Variants in CTNND2 observed in about 807,000 individuals in gnomAD.
CTNND2 encodes the protein catenin delta 2.
CTNND2 carries 22 observed loss-of-function variants against 144.4 expected under a neutral mutation model. The observed-to-expected ratio is 0.15, with a 90% CI of 0.11 to 0.22. CTNND2 has a LOEUF of 0.22. Among genes scored for constraint, CTNND2 ranks in the 10% least tolerant of loss-of-function variants. The probability of loss-of-function intolerance (pLI) is 1.00; values close to 1 mark genes in which losing one functional copy is unlikely to be tolerated. For synonymous variants in CTNND2, 751 were observed against 695.6 expected, an observed-to-expected ratio of 1.08 and a Z score of -1.25; for missense variants, 1,353 against 1,618.8, an observed-to-expected ratio of 0.84 and a Z score of 2.82.
Position 11,430,248 on chromosome 5 carries a change from CAA to C in CTNND2, c.288-18181_288-18180del, listed in dbSNP as rs1307787997. On this transcript the variant is annotated intron_variant, in intron 3 of 21. Coordinates refer to ENST00000304623, the MANE Select transcript of CTNND2 (RefSeq NM_001332.4). ...TGGGCAACAGGGTTAGACTCCGTCT[CAA>C]AAAAAAAAAAAAAAAAAAAAGGAGT... Among the ~76,000 whole-genome samples, 246 of 38,450 alleles carry C rather than the reference CAA, an allele frequency of 6.4e-3. 1 individual carries two copies. Among genetic ancestry groups the C allele is most frequent in the South Asian group, 0.017 (18 of 1,044 alleles). The allele number at this position is 38,450 out of a possible 152,430, so 25.2% of individuals were successfully genotyped here.
chr5:11,767,625 A>G (rs1789672286), intron 1 of CTNND2, among the ~76,000 whole-genome samples: 2 of 152,258 alleles, frequency 1.3e-5, no homozygotes, highest in South Asian at 2.1e-4. Flanking sequence ...CTCCTTCATC[A>G]TATTGAAAAT....
chr5:11,226,124 G>A (rs535109127), intron 10 of CTNND2, among the ~76,000 whole-genome samples: 71 of 152,318 alleles, frequency 4.7e-4, no homozygotes, highest in Admixed American at 9.8e-4. Flanking sequence ...CCAGCATCGT[G>A]AGAGAACAGA....
chr5:11,126,905 G>A (rs1754735128), intron 12 of CTNND2, among the ~76,000 whole-genome samples: 1 of 152,228 alleles, frequency 6.6e-6, no homozygotes, highest in South Asian at 2.1e-4. Context: ...CAAAAAAGCA[G>A]CTCATGCAAT....
rs187143243 is a variant in CTNND2 at position 11,261,256 on chromosome 5, C to T, written c.1629-24433G>A. Among the ~76,000 whole-genome samples the T allele has an allele frequency of 7.9e-5, 12 of 152,316 alleles. No individual in the cohort carries two copies. In the East Asian group the frequency reaches 2.3e-3, roughly 29 times the overall value. On this transcript the variant is annotated intron_variant, in intron 9 of 21. Coordinates refer to ENST00000304623, the MANE Select transcript of CTNND2 (RefSeq NM_001332.4). ...TATTGGGCTGGCCGTTTGTCCCAGC[C>T]TCTCATCGGTCTAGGCCAGATCTCT...
At chr5:11,588,938 G>A (rs947796172) in intron 2 of CTNND2, 30 of 985,192 alleles carry the variant, frequency 3.0e-5, no homozygotes, top group South Asian at 1.4e-4. Context: ...CTCAAAAACC[G>A]AGAAGGGAGT....
intron 10 of CTNND2, among the ~76,000 whole-genome samples, chr5:11,209,795 G>T (rs538423436): frequency 6.6e-6 from 1 of 152,166 alleles, no homozygotes; most frequent in African/African-American, 2.4e-5. Flanking sequence ...GGTGGCAGGT[G>T]CCTGTAGTCC....
intron 1 of CTNND2, among the ~76,000 whole-genome samples, chr5:11,770,605 A>G (rs552324889): frequency 6.1e-4 from 93 of 152,220 alleles, no homozygotes; most frequent in Non-Finnish European, 1.1e-3. Context: ...ACATCTTCCT[A>G]TACTTTCCTG....
At position 10,988,280 on chromosome 5, in the gene CTNND2, C is replaced by G. The variant is rs1738265907; in HGVS notation, c.3212-38G>C. 3 of 1,612,310 alleles carry G rather than the reference C, an allele frequency of 1.9e-6. No individual in the cohort carries two copies. Among genetic ancestry groups the G allele is most frequent in the Non-Finnish European group, 2.5e-6 (3 of 1,178,994 alleles). ...ATCAAAAGGGGGATTTTCTGCATCT[C>G]ATCCCACAGCGTGTGTGCCTTCCAC... On this transcript the variant is annotated intron_variant, in intron 19 of 21. Transcript: ENST00000304623. This position sits in a 1 kb window ranked among gnomAD's most constrained non-coding sequence, Gnocchi z 5.9.
At chr5:11,270,130 C>T (rs1745845665) in intron 9 of CTNND2, among the ~76,000 whole-genome samples, 1 of 152,120 alleles carries the variant, frequency 6.6e-6, no homozygotes, top group African/African-American at 2.4e-5. Flanking sequence ...CTGAAATTTA[C>T]TAGAATTAGT....
intron 2 of CTNND2, among the ~76,000 whole-genome samples, chr5:11,612,032 T>A (rs946671590): frequency 6.7e-6 from 1 of 149,880 alleles, no homozygotes; most frequent in African/African-American, 2.5e-5. Flanking sequence ...TTCATTTCTA[T>A]TTACAGAAAT....
intron 1 of CTNND2, among the ~76,000 whole-genome samples, chr5:11,872,477 T>C (rs1735216198): frequency 6.6e-6 from 1 of 152,222 alleles, no homozygotes; most frequent in South Asian, 2.1e-4. Context: ...CCACAATGGT[T>C]GAACTAATTG....
chr5:11,123,376 C>T (rs1420048732), intron 12 of CTNND2, among the ~76,000 whole-genome samples: 1 of 152,190 alleles, frequency 6.6e-6, no homozygotes. Context: ...ATGACTGTGC[C>T]ACCAGGGAAT....
intron 12 of CTNND2, among the ~76,000 whole-genome samples, chr5:11,129,309 T>C (rs1178834083): frequency 7.8e-5 from 6 of 76,854 alleles, no homozygotes; most frequent in African/African-American, 4.8e-4. Context: ...ATATTATATA[T>C]ATAAATATAT....
intron 10 of CTNND2, among the ~76,000 whole-genome samples, chr5:11,226,499 T>C (rs1226858920): frequency 6.6e-6 from 1 of 152,204 alleles, no homozygotes; most frequent in African/African-American, 2.4e-5. Context: ...TTTAATTGAC[T>C]CACAGTTCCA....
chr5:11,609,407 G>T lies in CTNND2; in HGVS notation c.175-44351C>A, dbSNP rs78665561. ...GGTTTCTAGTGAACACAGAAAATGT[G>T]CCCTCTTTAAACGTATGAAATTTCT... is the stretch of plus-strand genomic sequence containing the variant. On this transcript the variant is annotated intron_variant, in intron 2 of 21. Transcript: ENST00000304623. 4.0e-3 allele frequency among the ~76,000 whole-genome samples: 615 copies of T among 152,138 alleles called. 3 individuals carry two copies. Among genetic ancestry groups the T allele is most frequent in the African/African-American group, 0.014 (585 of 41,494 alleles).
intron 3 of CTNND2, 98 bp from the exon 4 acceptor site, chr5:11,412,167 T>C (rs1761597228): frequency 2.4e-6 from 2 of 824,136 alleles, no homozygotes; most frequent in Admixed American, 4.0e-5. Context: ...GTAGTAACAG[T>C]GGCCCCGTTG....
At chr5:11,818,876 C>G (rs1793160862) in intron 1 of CTNND2, among the ~76,000 whole-genome samples, 1 of 152,162 alleles carries the variant, frequency 6.6e-6, no homozygotes, top group African/African-American at 2.4e-5. Context: ...AGCGGGTTTC[C>G]TCTCCTCAGC....
intron 12 of CTNND2, among the ~76,000 whole-genome samples, chr5:11,149,102 T>C (rs1033492217): frequency 6.6e-6 from 1 of 152,162 alleles, no homozygotes; most frequent in African/African-American, 2.4e-5. Flanking sequence ...TTCTGAGCAA[T>C]GCGACAGGCC....
At chr5:11,291,572 G>A (rs900426460) in intron 9 of CTNND2, among the ~76,000 whole-genome samples, 2 of 152,080 alleles carry the variant, frequency 1.3e-5, no homozygotes, top group African/African-American at 2.4e-5. Context: ...GTTTCCTGTT[G>A]CTTTTTAGGG....
Sources: gnomAD v4.1 joint callset for allele counts (sites outside exome capture counted in the v4.1 genomes callset) on GRCh38, gnomAD v4.1.1 for gene constraint, Gnocchi (gnomAD v3.1) non-coding constraint, MANE v1.5 for transcripts, NCBI Gene and HGNC (gene_info 2026-07-23, HGNC 2026-07-21) for gene names.